The following GPR158 variants were observed in gnomAD, a reference collection of about 807,000 sequenced individuals.
GPR158 encodes the protein G protein-coupled receptor 158, also known as metabotropic glycine receptor.
Under a neutral mutation model 78.2 loss-of-function variants are expected in GPR158, and 30 were observed. The ratio of observed to expected loss-of-function variants is 0.38; its 90% confidence interval spans 0.29 to 0.52. The LOEUF is 0.52. Ranked by LOEUF, GPR158 falls within the 20% of genes least tolerant of loss-of-function variation. The pLI is 0.83. For synonymous variants in GPR158, 581 were observed against 591.1 expected (o/e 0.98, Z 0.25); for missense variants, 1,463 against 1,523.5 (o/e 0.96, Z 0.66).
chr10:25,205,598 C>A (rs1209647773), intron 1 of GPR158, among the ~76,000 whole-genome samples: 1 of 151,952 alleles, frequency 6.6e-6, no homozygotes, highest in Non-Finnish European at 1.5e-5. Context: ...TAGCTGTATC[C>A]CAGAGATCCT....
At chr10:25,506,306 C>A (rs1351043347) in intron 5 of GPR158, among the ~76,000 whole-genome samples, 2 of 152,206 alleles carry the variant, frequency 1.3e-5, no homozygotes, top group Admixed American at 1.3e-4. Flanking sequence ...TGTTAAGTCT[C>A]ATAAAGTTAT....
At chr10:25,274,411 A>G (rs976108307) in intron 2 of GPR158, among the ~76,000 whole-genome samples, 4 of 152,244 alleles carry the variant, frequency 2.6e-5, no homozygotes, top group Admixed American at 2.0e-4. Flanking sequence ...GTTCTATTGA[A>G]GAGATAGTTT....
intron 4 of GPR158, among the ~76,000 whole-genome samples, chr10:25,420,309 C>T (rs907804153): frequency 8.7e-6 from 1 of 114,322 alleles, no homozygotes; most frequent in African/African-American, 3.1e-5. Context: ...GCCACCAACT[C>T]CAGCTATTTT....
intron 3 of GPR158, among the ~76,000 whole-genome samples, chr10:25,409,516 A>G (rs1189995239): frequency 6.6e-6 from 1 of 152,066 alleles, no homozygotes; most frequent in Non-Finnish European, 1.5e-5. Context: ...TGGCTGCCAC[A>G]TTTTTTCTAC....
At chr10:25,217,317 T>C (rs756683223) in intron 1 of GPR158, among the ~76,000 whole-genome samples, 27 of 152,208 alleles carry the variant, frequency 1.8e-4, no homozygotes, top group Non-Finnish European at 3.2e-4. Context: ...GTCACTTCTG[T>C]GTATAGCGAA....
At chr10:25,254,081 C>T (rs903560919) in intron 2 of GPR158, among the ~76,000 whole-genome samples, 1 of 152,158 alleles carries the variant, frequency 6.6e-6, no homozygotes, top group Non-Finnish European at 1.5e-5. Context: ...TTAAAGATAA[C>T]TTCTGTGGCT....
intron 4 of GPR158, among the ~76,000 whole-genome samples, chr10:25,422,204 A>G (rs1834760933): frequency 6.6e-6 from 1 of 152,092 alleles, no homozygotes. Context: ...CACTTTATTT[A>G]TCATCTAGAA....
chr10:25,262,366 CAAAT>C (rs1313411656), intron 2 of GPR158, among the ~76,000 whole-genome samples: 1 of 151,942 alleles, frequency 6.6e-6, no homozygotes, highest in Non-Finnish European at 1.5e-5. Flanking sequence ...TGTGGAATAA[CAAAT>C]TAATGATTGC....
At chr10:25,328,663 A>G (rs950117230) in intron 2 of GPR158, among the ~76,000 whole-genome samples, 1 of 152,058 alleles carries the variant, frequency 6.6e-6, no homozygotes, top group Non-Finnish European at 1.5e-5. Flanking sequence ...GTGGTACCTC[A>G]TGCCTGTAAT....
chr10:25,249,343 A>C (rs867502546), intron 2 of GPR158, among the ~76,000 whole-genome samples: 7 of 152,180 alleles, frequency 4.6e-5, no homozygotes, highest in Admixed American at 1.3e-4. Flanking sequence ...AACTTCCAAC[A>C]CTATGTTGAA....
intron 2 of GPR158, among the ~76,000 whole-genome samples, chr10:25,241,125 TTTTCTTTCTTTCTTTC>T (rs752386158): frequency 0.043 from 4,612 of 108,432 alleles, 162 homozygotes; most frequent in Middle Eastern, 0.074. Flanking sequence ...TTTACTTTGA[TTTTCTTTCTTTCTTTC>T]TTTCTTTCTT....
intron 6 of GPR158, among the ~76,000 whole-genome samples, chr10:25,567,295 G>A (rs1271651972): frequency 1.3e-5 from 2 of 152,150 alleles, no homozygotes; most frequent in East Asian, 1.9e-4. Context: ...TATTGGAAAG[G>A]CACCTGCACC....
chr10:25,530,214 A>G (rs530263536), intron 5 of GPR158, among the ~76,000 whole-genome samples: 283 of 152,318 alleles, frequency 1.9e-3, no homozygotes, highest in Non-Finnish European at 3.2e-3. Flanking sequence ...AGAAAAGTGA[A>G]AAGTGTTATT....
intron 9 of GPR158, among the ~76,000 whole-genome samples, chr10:25,595,882 G>A (rs1437631083): frequency 6.6e-6 from 1 of 152,142 alleles, no homozygotes; most frequent in Non-Finnish European, 1.5e-5. Context: ...AAATTTTATA[G>A]TATGTGTGTG....
Position 25,176,313 on chromosome 10 carries a change from C to T in GPR158, c.893C>T (p.Pro298Leu), listed in dbSNP as rs745620350. Residue 298 changes from proline (P) to leucine (L), a missense_variant, in exon 1 of 11, where the codon CCG (proline) becomes CTG (leucine). Coordinates refer to ENST00000376351, the MANE Select transcript of GPR158 (RefSeq NM_020752.3). This position sits in a 1 kb window ranked among gnomAD's most constrained non-coding sequence, Gnocchi z 6.3. The part of the protein sequence containing the change: ...AIYGLQPNLV[P>L]EFRGVMKVDI... ...TACGGGTTGCAGCCTAACCTGGTCCCGGAATTCAGGTAGGGAGGGCCGGGG... is the reference window on the plus strand; with the variant it reads ...TACGGGTTGCAGCCTAACCTGGTCCTGGAATTCAGGTAGGGAGGGCCGGGG... 2 of 1,574,994 alleles carry T rather than the reference C, an allele frequency of 1.3e-6. No individual in the cohort carries two copies. Among genetic ancestry groups the T allele is most frequent in the South Asian group, 2.4e-5 (2 of 85,014 alleles).
intron 2 of GPR158, among the ~76,000 whole-genome samples, chr10:25,270,103 A>G (rs1165196027): frequency 6.6e-6 from 1 of 152,166 alleles, no homozygotes; most frequent in Non-Finnish European, 1.5e-5. Flanking sequence ...GACCTTGAGG[A>G]CACACAGAAT....
intron 2 of GPR158, among the ~76,000 whole-genome samples, chr10:25,231,959 C>T (rs771618035): frequency 6.6e-6 from 1 of 152,076 alleles, no homozygotes; most frequent in Non-Finnish European, 1.5e-5. Flanking sequence ...ATATGCAGGG[C>T]AGGGCAAGAG....
intron 6 of GPR158, among the ~76,000 whole-genome samples, chr10:25,552,301 C>T (rs1237999542): frequency 6.6e-6 from 1 of 152,148 alleles, no homozygotes; most frequent in Non-Finnish European, 1.5e-5. Context: ...CAGCACACTT[C>T]CCTCCGGCAT....
At chr10:25,307,172 A>C (rs1854689220) in intron 2 of GPR158, among the ~76,000 whole-genome samples, 1 of 152,122 alleles carries the variant, frequency 6.6e-6, no homozygotes, top group African/African-American at 2.4e-5. Context: ...TCTTTCAGGT[A>C]GTCTTATAGT....
Sources: allele counts gnomAD v4.1 joint callset (sites outside exome capture counted in the v4.1 genomes callset), GRCh38; gene constraint gnomAD v4.1.1; non-coding constraint Gnocchi (gnomAD v3.1); transcripts MANE v1.5; gene names NCBI Gene and HGNC (gene_info 2026-07-23, HGNC 2026-07-21).